The following SPATA9 variants were observed in gnomAD, a reference collection of about 807,000 sequenced individuals.
SPATA9 encodes spermatogenesis associated 9.
In SPATA9, 27 loss-of-function variants were observed where a neutral mutation model predicts 25.5. That is an observed-to-expected ratio of 1.06 (90% CI 0.78 to 1.46). The LOEUF is 1.46. SPATA9 is among the 40% of genes most tolerant of loss of function. The probability of loss-of-function intolerance (pLI) is 0.00; values close to 1 mark genes in which losing one functional copy is unlikely to be tolerated. For missense variants in SPATA9, 282 were observed against 297.5 expected (o/e 0.95, Z 0.38); for synonymous variants, 102 against 105.7 (o/e 0.97, Z 0.21).
upstream of SPATA9, among the ~76,000 whole-genome samples, chr5:95,703,691 C>T (rs1754230417): frequency 6.6e-6 from 1 of 151,688 alleles, no homozygotes; most frequent in African/African-American, 2.4e-5. Flanking sequence ...GGATATATAT[C>T]ATATATTCAT....
chr5:95,677,411 G>T (rs1753040301), intron 2 of SPATA9, among the ~76,000 whole-genome samples: 1 of 152,082 alleles, frequency 6.6e-6, no homozygotes, highest in Non-Finnish European at 1.5e-5. Context: ...TATTACATTA[G>T]AAACCACACA....
the SPATA9 span, among the ~76,000 whole-genome samples, chr5:95,714,391 G>GT: frequency 6.6e-6 from 1 of 152,188 alleles, no homozygotes; most frequent in African/African-American, 2.4e-5. Context: ...ACATCAACAT[G>GT]TAGGAGACTG....
Position 95,682,964 on chromosome 5 carries a change from C to T in SPATA9, c.-110G>A, listed in dbSNP as rs1034521863. ...GAGGGTAGCCTTCCACTTGGGAAAG[C>T]CAGCAAGGACAGAACTCACAGCTCA... is the stretch of plus-strand genomic sequence containing the variant. On this transcript the variant is annotated 5_prime_UTR_variant, in exon 1 of 5. Coordinates refer to ENST00000274432, the MANE Select transcript of SPATA9 (RefSeq NM_031952.4). 5 of 1,384,510 alleles carry T rather than the reference C, an allele frequency of 3.6e-6. No individual in the cohort carries two copies. In the African/African-American group the frequency reaches 7.3e-5, roughly 20 times the overall value. 85.8% of individuals were successfully genotyped at this position (1,384,510 alleles called of 1,614,324 possible). A position where few individuals can be genotyped will look rare whatever the true frequency, so the allele number is the denominator to read the frequency against.
intron 2 of SPATA9, among the ~76,000 whole-genome samples, chr5:95,679,815 T>C (rs1444721375): frequency 6.6e-6 from 1 of 152,242 alleles, no homozygotes; most frequent in African/African-American, 2.4e-5. Context: ...AGAACTCTAC[T>C]ATAGCTAAGG....
chr5:95,707,632 C>G, the SPATA9 span, among the ~76,000 whole-genome samples: 1 of 152,146 alleles, frequency 6.6e-6, no homozygotes, highest in Non-Finnish European at 1.5e-5. Flanking sequence ...CGTTATCAAT[C>G]AGATGAATTC....
chr5:95,685,668 C>T (rs1435016493), upstream of SPATA9, among the ~76,000 whole-genome samples: 1 of 152,184 alleles, frequency 6.6e-6, no homozygotes, highest in East Asian at 1.9e-4. Flanking sequence ...TAAAGTCCAA[C>T]TAAGTACTAG....
At chr5:95,697,733 TA>T (rs1754061509) in intron 1 of SPATA9, among the ~76,000 whole-genome samples, 1 of 152,232 alleles carries the variant, frequency 6.6e-6, no homozygotes, top group African/African-American at 2.4e-5. Context: ...TCATTGGCAA[TA>T]AACACTGTCA....
At chr5:95,731,459 C>G in the SPATA9 span, 1 of 1,214,490 alleles carries the variant, frequency 8.2e-7, no homozygotes, top group Non-Finnish European at 1.0e-6. Context: ...CCCTGAGTAG[C>G]GGCAGCTTAT....
At chr5:95,711,747 T>C in the SPATA9 span, among the ~76,000 whole-genome samples, 5 of 152,240 alleles carry the variant, frequency 3.3e-5, no homozygotes, top group Non-Finnish European at 7.3e-5. Flanking sequence ...AAACGCGGCC[T>C]GGCTCAGGAG....
At chr5:95,676,606 C>G (rs1390493570) in intron 2 of SPATA9, among the ~76,000 whole-genome samples, 2 of 152,122 alleles carry the variant, frequency 1.3e-5, no homozygotes, top group Admixed American at 6.5e-5. Flanking sequence ...CTTTCTCTAC[C>G]TTGTCCCAGA....
intron 2 of SPATA9, among the ~76,000 whole-genome samples, chr5:95,681,492 T>A (rs1256656751): frequency 6.6e-6 from 1 of 152,182 alleles, no homozygotes; most frequent in Non-Finnish European, 1.5e-5. Context: ...AGTAGAGTCA[T>A]TCACTCCTCT....
intron 4 of SPATA9, chr5:95,659,512 CTG>C (rs1164346815): frequency 3.3e-5 from 5 of 152,098 alleles, no homozygotes; most frequent in African/African-American, 1.2e-4. Flanking sequence ...TAAACTTACT[CTG>C]TAAGTTTACT....
chr5:95,681,107 CT>C (rs1753415098), intron 2 of SPATA9, among the ~76,000 whole-genome samples: 1 of 152,176 alleles, frequency 6.6e-6, no homozygotes, highest in Non-Finnish European at 1.5e-5. Flanking sequence ...CTCATTACCA[CT>C]AAAAAAGTAT....
rs1269973314 is a variant in SPATA9, at chr5:95,658,439, T to A, written c.*184A>T. ...ATGTAGTCAGTACATATATTCCACA[T>A]CAATATTCATTTTATTTACTCTATC... is the stretch of plus-strand genomic sequence containing the variant. On this transcript the variant is annotated 3_prime_UTR_variant, in exon 5 of 5. Coordinates refer to ENST00000274432, the MANE Select transcript of SPATA9 (RefSeq NM_031952.4). 5.2e-6 allele frequency: 3 copies of A among 582,198 alleles called. No homozygotes were observed. The highest frequency in any genetic ancestry group is 7.9e-6 in the Non-Finnish European group (3 of 380,742). 36.1% of individuals were successfully genotyped at this position (582,198 alleles called of 1,614,324 possible). A position where few individuals can be genotyped will look rare whatever the true frequency, so the allele number is the denominator to read the frequency against.
chr5:95,713,244 G>C, the SPATA9 span, among the ~76,000 whole-genome samples: 2 of 151,770 alleles, frequency 1.3e-5, no homozygotes, highest in Admixed American at 6.6e-5. Context: ...CCTGAATAAG[G>C]AGTGGATTCA....
intron 2 of SPATA9, 126 bp from the exon 3 acceptor site, chr5:95,675,765 C>A: frequency 1.5e-6 from 1 of 672,970 alleles, no homozygotes; most frequent in Non-Finnish European, 2.4e-6. Flanking sequence ...ATTCAACATC[C>A]AATATTTCTG....
intron 3 of SPATA9, among the ~76,000 whole-genome samples, chr5:95,665,394 C>A (rs1252910379): frequency 3.9e-5 from 6 of 152,172 alleles, no homozygotes; most frequent in Admixed American, 3.9e-4. Context: ...TCTCTGGTAA[C>A]CACTGTTCTC....
At chr5:95,695,954 T>C (rs1217241164) in intron 1 of SPATA9, among the ~76,000 whole-genome samples, 1 of 152,192 alleles carries the variant, frequency 6.6e-6, no homozygotes, top group African/African-American at 2.4e-5. Context: ...CATCTCTCTC[T>C]AAGGAAAACC....
chr5:95,666,559 A>T (rs1751823531), intron 3 of SPATA9, among the ~76,000 whole-genome samples: 1 of 152,198 alleles, frequency 6.6e-6, no homozygotes, highest in Admixed American at 6.5e-5. Context: ...CTTATTAGAG[A>T]GGGAATATTA....
Sources: allele counts gnomAD v4.1 joint callset (sites outside exome capture counted in the v4.1 genomes callset), GRCh38; gene constraint gnomAD v4.1.1; transcripts MANE v1.5; gene names NCBI Gene and HGNC (gene_info 2026-07-23, HGNC 2026-07-21).